Variants in FOXP2 observed in about 807,000 individuals in gnomAD.
FOXP2 encodes forkhead box P2, also known as forkhead box protein P2.
Under a neutral mutation model 115.8 loss-of-function variants are expected in FOXP2, and 12 were observed. The observed-to-expected ratio is 0.10, with a 90% CI of 0.07 to 0.17. The LOEUF (loss-of-function observed/expected upper bound fraction) is 0.17. Among genes scored for constraint, FOXP2 ranks in the 10% least tolerant of loss-of-function variants. The probability of loss-of-function intolerance (pLI) is 1.00; values close to 1 mark genes in which losing one functional copy is unlikely to be tolerated. For synonymous variants in FOXP2, 328 were observed against 297.7 expected (o/e 1.10, Z -1.05); for missense variants, 629 against 843.5 (o/e 0.75, Z 3.15).
intron 2 of FOXP2, among the ~76,000 whole-genome samples, chr7:114,528,984 T>C (rs560819038): frequency 1.3e-5 from 2 of 152,066 alleles, no homozygotes; most frequent in South Asian, 2.1e-4. Context: ...TTACCTTTCA[T>C]TCCTTAGAAT....
intron 16 of FOXP2, among the ~76,000 whole-genome samples, chr7:114,689,197 T>C (rs186573448): frequency 6.6e-6 from 1 of 152,250 alleles, no homozygotes; most frequent in Non-Finnish European, 1.5e-5. Context: ...CACACAAACA[T>C]ATAAATATGT....
intron 1 of FOXP2, among the ~76,000 whole-genome samples, chr7:114,156,523 C>T (rs923165084): frequency 7.2e-5 from 11 of 152,214 alleles, no homozygotes; most frequent in African/African-American, 2.4e-4. Flanking sequence ...CACCTATGAC[C>T]GGGAGACCCA....
At chr7:114,102,696 C>CCACACACATACACACACA (rs1791012665) in intron 1 of FOXP2, among the ~76,000 whole-genome samples, 2 of 136,470 alleles carry the variant, frequency 1.5e-5, no homozygotes, top group African/African-American at 5.4e-5. Flanking sequence ...ACACCACACA[C>CCACACACATACACACACA]CACACACACA....
chr7:114,312,468 C>T (rs1479789677), intron 2 of FOXP2, among the ~76,000 whole-genome samples: 2 of 152,142 alleles, frequency 1.3e-5, no homozygotes, highest in Non-Finnish European at 2.9e-5. Flanking sequence ...TTCTTCAAAC[C>T]TGACCCAGAG....
chr7:114,345,750 G>T (rs959567664), intron 2 of FOXP2, among the ~76,000 whole-genome samples: 1 of 151,702 alleles, frequency 6.6e-6, no homozygotes, highest in African/African-American at 2.4e-5. Context: ...ATCTGATTTT[G>T]TGGCTTTTGA....
At chr7:114,242,084 G>A (rs956576848) in intron 1 of FOXP2, among the ~76,000 whole-genome samples, 1 of 150,466 alleles carries the variant, frequency 6.6e-6, no homozygotes, top group Non-Finnish European at 1.5e-5. Flanking sequence ...AAGGCAAGAA[G>A]AGCTGTTGAA....
intron 3 of FOXP2, among the ~76,000 whole-genome samples, chr7:114,557,088 G>A (rs12671278): frequency 0.17 from 26,166 of 152,032 alleles, 2,703 homozygotes; most frequent in African/African-American, 0.29. Flanking sequence ...ACTTTTGCTT[G>A]AAAATTAATA....
At chr7:114,257,052 A>G (rs1236494511) in intron 1 of FOXP2, among the ~76,000 whole-genome samples, 1 of 152,216 alleles carries the variant, frequency 6.6e-6, no homozygotes, top group Non-Finnish European at 1.5e-5. Flanking sequence ...GTTTACTACA[A>G]GGCTACAGTA....
chr7:114,587,918 T>A (rs569963477), intron 3 of FOXP2, among the ~76,000 whole-genome samples: 1 of 144,966 alleles, frequency 6.9e-6, no homozygotes, highest in African/African-American at 2.5e-5. Context: ...GATTCTGAAA[T>A]TCTCATCCTT....
At chr7:114,281,243 A>G (rs1796330549) in intron 1 of FOXP2, among the ~76,000 whole-genome samples, 2 of 151,560 alleles carry the variant, frequency 1.3e-5, no homozygotes, top group African/African-American at 4.9e-5. Context: ...CTGGCATTAC[A>G]GGTGCCTGCT....
intron 3 of FOXP2, among the ~76,000 whole-genome samples, chr7:114,544,791 A>C (rs1001233492): frequency 3.3e-5 from 5 of 152,236 alleles, no homozygotes; most frequent in African/African-American, 9.6e-5. Flanking sequence ...AAAACATATT[A>C]ACTGGTGATT....
chr7:114,390,022 T>TAA (rs1584688251), intron 2 of FOXP2, among the ~76,000 whole-genome samples: 2 of 15,764 alleles, frequency 1.3e-4, no homozygotes, highest in East Asian at 2.7e-3. Flanking sequence ...ACATTCAGTG[T>TAA]CAAAAAAAAA....
At chr7:114,619,285 C>T (rs1804110357) in intron 3 of FOXP2, among the ~76,000 whole-genome samples, 1 of 152,054 alleles carries the variant, frequency 6.6e-6, no homozygotes, top group Admixed American at 6.6e-5. Context: ...TCACTAATCA[C>T]AAAATAGCTG....
chr7:114,423,734 C>T (rs1313495299), intron 1 of FOXP2, among the ~76,000 whole-genome samples: 1 of 151,578 alleles, frequency 6.6e-6, no homozygotes, highest in African/African-American at 2.4e-5. Flanking sequence ...CAGCACTTCA[C>T]ATTGTGCTGG....
chr7:114,366,227 G>C (rs1055114596), intron 2 of FOXP2, among the ~76,000 whole-genome samples: 1 of 152,072 alleles, frequency 6.6e-6, no homozygotes, highest in South Asian at 2.1e-4. Flanking sequence ...ATGGCTGTGT[G>C]ATCGAAACTA....
intron 2 of FOXP2, among the ~76,000 whole-genome samples, chr7:114,441,622 G>A (rs1203135513): frequency 6.6e-6 from 1 of 152,126 alleles, no homozygotes; most frequent in Non-Finnish European, 1.5e-5. Flanking sequence ...TCTAAAATTT[G>A]TGATAATACA....
chr7:114,328,305 C>T (rs1261411431), intron 2 of FOXP2, among the ~76,000 whole-genome samples: 2 of 147,200 alleles, frequency 1.4e-5, no homozygotes, highest in African/African-American at 5.1e-5. Context: ...GGCGCGATCT[C>T]GGCTCACTGC....
At chr7:114,476,801 G>A (rs760274479) in intron 2 of FOXP2, among the ~76,000 whole-genome samples, 2 of 151,800 alleles carry the variant, frequency 1.3e-5, no homozygotes, top group East Asian at 1.9e-4. Flanking sequence ...TTCTTTCAGC[G>A]GTGTTTTGTA....
At chr7:114,410,278 T>C (rs908213684), upstream of FOXP2, among the ~76,000 whole-genome samples, 3 of 152,132 alleles carry the variant, frequency 2.0e-5, no homozygotes, top group African/African-American at 7.2e-5. Flanking sequence ...GATTTTACTA[T>C]GAATTCTTCT....
Sources: gnomAD v4.1 joint callset for allele counts (sites outside exome capture counted in the v4.1 genomes callset) on GRCh38, gnomAD v4.1.1 for gene constraint, MANE v1.5 for transcripts, NCBI Gene and HGNC (gene_info 2026-07-23, HGNC 2026-07-21) for gene names.